PCDHGA7: variants seen among roughly 807,000 people sequenced by gnomAD.
PCDHGA7 encodes protocadherin gamma-A7.
Under a neutral mutation model 58.3 loss-of-function variants are expected in PCDHGA7, and 44 were observed. That is an observed-to-expected ratio of 0.75 (90% confidence interval 0.59 to 0.97). PCDHGA7 has a LOEUF of 0.97. PCDHGA7 is among the 50% of genes least tolerant of loss of function. PCDHGA7 has a pLI of 0.00. For missense variants in PCDHGA7, 1,266 were observed against 1,188.7 expected, an observed-to-expected ratio of 1.06 and a Z score of -0.96; for synonymous variants, 516 against 504.2, an observed-to-expected ratio of 1.02 and a Z score of -0.31.
chr5:141,436,040 C>A (rs989038133), intron 1 of PCDHGA7, among the ~76,000 whole-genome samples: 2 of 152,060 alleles, frequency 1.3e-5, no homozygotes, highest in African/African-American at 4.8e-5. Context: ...TTTGTATTTA[C>A]ATTAGTTTTC....
intron 1 of PCDHGA7, chr5:141,403,058 C>T (rs1264463559): frequency 1.9e-6 from 3 of 1,613,942 alleles, no homozygotes; most frequent in African/African-American, 2.7e-5. Context: ...CTACTCAGTG[C>T]CTGAAGAGAC....
intron 3 of PCDHGA7, among the ~76,000 whole-genome samples, chr5:141,508,658 A>G (rs1420910010): frequency 2.0e-5 from 3 of 152,086 alleles, no homozygotes; most frequent in African/African-American, 4.8e-5. Flanking sequence ...CCTTCCTGTC[A>G]TTCTGTCTCT....
At chr5:141,475,895 C>A (rs2099379056) in intron 1 of PCDHGA7, 1 of 568,558 alleles carries the variant, frequency 1.8e-6, no homozygotes, top group African/African-American at 1.9e-5. Context: ...ACTCTGTGTG[C>A]CGCTGTCGGC....
Position 141,432,909 on chromosome 5 carries a change from G to A in PCDHGA7, c.2424+47586G>A, listed in dbSNP as rs773372764. On this transcript the variant is annotated intron_variant, in intron 1 of 3. Coordinates refer to ENST00000518325, the MANE Select transcript of PCDHGA7 (RefSeq NM_018920.4). The surrounding 1 kb of genome is among the most constrained non-coding windows in gnomAD (Gnocchi z 6.0). ...ATCTTGCTGCTGGCGCTCAGGCTGCGGCGCTGGCACAAGTCACGCCTGCTG... is the reference window on the plus strand; with the variant it reads ...ATCTTGCTGCTGGCGCTCAGGCTGCAGCGCTGGCACAAGTCACGCCTGCTG... 9 of 1,614,038 alleles carry A rather than the reference G, an allele frequency of 5.6e-6. No homozygotes were observed. The highest frequency in any genetic ancestry group is 4.5e-5 in the East Asian group (2 of 44,880).
intron 1 of PCDHGA7, among the ~76,000 whole-genome samples, chr5:141,433,690 A>G (rs951380027): frequency 2.0e-5 from 3 of 152,088 alleles, no homozygotes; most frequent in African/African-American, 7.2e-5. Flanking sequence ...ATACAAAATT[A>G]GCCGGGCGTG....
In PCDHGA7 at chr5:141,385,085, A is replaced by G. The variant is rs753751562; in HGVS notation, c.2186A>G (p.Glu729Gly). The G allele has an allele frequency of 1.1e-5, 18 of 1,614,014 alleles. No homozygotes were observed. In the Admixed American group the frequency reaches 3.0e-4, roughly 27 times the overall value. Residue 729 changes from glutamate (E) to glycine (G), a missense_variant, in exon 1 of 4, where the codon GAA becomes GGA. Glu to Gly is a moderately conservative substitution (Grantham distance 98, BLOSUM62 -2). Transcript: ENST00000518325. ...AAGTCACGCCTGCTGCAGGCTTCAGAAGGTGGCTTGGCGAACGTGCCCACC... is the reference window on the plus strand; with the variant it reads ...AAGTCACGCCTGCTGCAGGCTTCAGGAGGTGGCTTGGCGAACGTGCCCACC... Reference protein sequence around the residue: ...WHKSRLLQASEGGLANVPTSH... With the variant: ...WHKSRLLQASGGGLANVPTSH...
At chr5:141,449,025 C>G (rs2154562458) in intron 1 of PCDHGA7, among the ~76,000 whole-genome samples, 1 of 152,216 alleles carries the variant, frequency 6.6e-6, no homozygotes, top group East Asian at 1.9e-4. Flanking sequence ...GCTTAGCATT[C>G]CTTTGGATTA....
In PCDHGA7 at chr5:141,382,844, C is replaced by G. The variant is rs749994518; in HGVS notation, c.-56C>G. The G allele has an allele frequency of 2.0e-6, 3 of 1,475,612 alleles. No individual in the cohort carries two copies. The highest frequency in any genetic ancestry group is 2.7e-6 in the Non-Finnish European group (3 of 1,097,332). The allele number at this position is 1,475,612 out of a possible 1,614,324, so 91.4% of individuals were successfully genotyped here. On this transcript the variant is annotated 5_prime_UTR_variant, in exon 1 of 4. Transcript: ENST00000518325. ...GACAGAGGGGTCCACCCGGATACAC[C>G]CGCATTCTGAAGCACTTCCCGAGAT...
intron 1 of PCDHGA7, among the ~76,000 whole-genome samples, chr5:141,436,781 A>T (rs1041532929): frequency 6.6e-6 from 1 of 152,236 alleles, no homozygotes; most frequent in Non-Finnish European, 1.5e-5. Context: ...TGTGGATGGA[A>T]ATAAAACTGT....
intron 1 of PCDHGA7, chr5:141,399,805 T>G (rs776266997): frequency 6.2e-7 from 1 of 1,613,192 alleles, no homozygotes; most frequent in Admixed American, 1.7e-5. Context: ...GCGGGTGCTG[T>G]ACCCCGCGCT....
chr5:141,490,331 C>G lies in PCDHGA7; in HGVS notation c.2425-4476C>G. 6.2e-7 allele frequency: 1 copy of G among 1,614,214 alleles called. No individual in the cohort carries two copies. The highest frequency in any genetic ancestry group is 1.1e-5 in the South Asian group (1 of 91,086). The stretch of plus-strand genomic sequence containing the variant: ...GCCAACCCTGTCCTAGAGAGCACAC[C>G]AGTGGGCACAGTAGTGGGGTTGTTT... On this transcript the variant is annotated intron_variant, in intron 1 of 3. Transcript: ENST00000518325. This position sits in a 1 kb window ranked among gnomAD's most constrained non-coding sequence, Gnocchi z 5.4.
At chr5:141,399,230 A>G (rs764321114) in intron 1 of PCDHGA7, 2 of 1,614,002 alleles carry the variant, frequency 1.2e-6, no homozygotes, top group Non-Finnish European at 1.7e-6. Context: ...ATCAAAATAC[A>G]TGACCAAGAT....
At chr5:141,467,491 A>T (rs2154569531) in intron 1 of PCDHGA7, among the ~76,000 whole-genome samples, 1 of 152,224 alleles carries the variant, frequency 6.6e-6, no homozygotes, top group Admixed American at 6.5e-5. Flanking sequence ...CCACATTTAG[A>T]TCCCTGATCT....
At chr5:141,478,044 C>T in intron 1 of PCDHGA7, 2 of 1,614,184 alleles carry the variant, frequency 1.2e-6, no homozygotes, top group South Asian at 1.1e-5. Flanking sequence ...CCCAGGCAGA[C>T]TCTCACGGTC....
Position 141,383,198 on chromosome 5 carries a change from C to A in PCDHGA7, c.299C>A (p.Ala100Glu). The A allele has an allele frequency of 6.2e-7, 1 of 1,614,016 alleles. No homozygotes were observed. The highest frequency in any genetic ancestry group is 8.5e-7 in the Non-Finnish European group (1 of 1,179,938). Residue 100 changes from alanine to glutamate, a missense_variant, in exon 1 of 4, where the codon GCG (alanine) becomes GAG (glutamate). Transcript: ENST00000518325. ...CGGGAAGAGATCTGCGCTCAGAGTGCGCGGTGTCTGGTAAACTTTAACATC... is the reference window on the plus strand; with the variant it reads ...CGGGAAGAGATCTGCGCTCAGAGTGAGCGGTGTCTGGTAAACTTTAACATC... ...IDREEICAQS[A>E]RCLVNFNILM...
chr5:141,465,251 A>T (rs1436627558), intron 1 of PCDHGA7, among the ~76,000 whole-genome samples: 1 of 152,214 alleles, frequency 6.6e-6, no homozygotes, highest in Non-Finnish European at 1.5e-5. Flanking sequence ...GCACTTTTGT[A>T]AGCAATGATA....
intron 1 of PCDHGA7, chr5:141,415,744 T>TTTG (rs2095926305): frequency 2.5e-6 from 1 of 404,416 alleles, no homozygotes; most frequent in South Asian, 6.6e-5. Context: ...ATTAAGGTTT[T>TTTG]TTTTTTTTTT....
chr5:141,504,937 G>A (rs1350441435), intron 2 of PCDHGA7, among the ~76,000 whole-genome samples: 2 of 152,054 alleles, frequency 1.3e-5, no homozygotes, highest in East Asian at 1.9e-4. Context: ...GGTGGGTGGG[G>A]GAATGCACTA....
Position 141,491,306 on chromosome 5 carries a change from A to G in PCDHGA7, c.2425-3501A>G. ...CTCATACACCCTCCTGAGCGTTCAGACCTTACCCTTTACCTCATTGTGGCT... is the reference window on the plus strand; with the variant it reads ...CTCATACACCCTCCTGAGCGTTCAGGCCTTACCCTTTACCTCATTGTGGCT... On this transcript the variant is annotated intron_variant, in intron 1 of 3. Coordinates refer to ENST00000518325, the MANE Select transcript of PCDHGA7 (RefSeq NM_018920.4). This position sits in a 1 kb window ranked among gnomAD's most constrained non-coding sequence, Gnocchi z 6.9. 1 of 1,614,032 alleles carries G rather than the reference A, an allele frequency of 6.2e-7. No individual in the cohort carries two copies. The highest frequency in any genetic ancestry group is 2.2e-5 in the East Asian group (1 of 44,872).
Sources: allele counts gnomAD v4.1 joint callset (sites outside exome capture counted in the v4.1 genomes callset), GRCh38; gene constraint gnomAD v4.1.1; non-coding constraint Gnocchi (gnomAD v3.1); transcripts MANE v1.5; gene names NCBI Gene and HGNC (gene_info 2026-07-23, HGNC 2026-07-21).